Variants in TMEM59 observed in about 807,000 individuals in gnomAD.
The protein encoded by TMEM59 is transmembrane protein 59.
In TMEM59, 44 loss-of-function variants were observed where a neutral mutation model predicts 42.2. The observed-to-expected ratio is 1.04, with a 90% CI of 0.82 to 1.34. The LOEUF is 1.34. Ranked by LOEUF, TMEM59 falls within the 40% of genes most tolerant of loss-of-function variation. The probability of loss-of-function intolerance (pLI) is 0.00; values close to 1 mark genes in which losing one functional copy is unlikely to be tolerated. For missense variants in TMEM59, 359 were observed against 382.8 expected, an observed-to-expected ratio of 0.94 and a Z score of 0.52; for synonymous variants, 148 against 145.8, an observed-to-expected ratio of 1.02 and a Z score of -0.11.
chr1:54,045,786 G>A lies in TMEM59; in HGVS notation c.296C>T (p.Ala99Val), dbSNP rs1397241187. Residue 99 changes from alanine to valine, a missense_variant and splice_region_variant, in exon 3 of 8, where the codon GCA becomes GTA. Ala to Val is a moderately conservative substitution (Grantham distance 64). Coordinates refer to ENST00000234831, the MANE Select transcript of TMEM59 (RefSeq NM_004872.5). ...AGATTGGGAATATGCTTCTGTACAT[G>A]CTGTAAGAGAAAAATAGTCAAATTA... is the stretch of plus-strand genomic sequence containing the variant. ...LNRTKLECES[A>V]CTEAYSQSDE... 1.2e-6 allele frequency: 2 copies of A among 1,603,702 alleles called. No individual in the cohort carries two copies. Among genetic ancestry groups the A allele is most frequent in the East Asian group, 2.2e-5 (1 of 44,660 alleles).
rs754359058 is a variant in TMEM59 at position 54,052,990 on chromosome 1, C to G, written c.189+10G>C. Reference sequence around the variant, plus strand: ...GGGAAGGGTCGCAGCCCGCTCCGGACGGGCCCTACCTTAGGGTAGGTGTGC... The same window carrying G: ...GGGAAGGGTCGCAGCCCGCTCCGGAGGGGCCCTACCTTAGGGTAGGTGTGC... On this transcript the variant is annotated intron_variant, in intron 1 of 7. Coordinates refer to ENST00000234831, the MANE Select transcript of TMEM59 (RefSeq NM_004872.5). The G allele has an allele frequency of 5.6e-6, 9 of 1,603,484 alleles. No homozygotes were observed. In the African/African-American group the frequency reaches 9.4e-5, roughly 17 times the overall value.
At chr1:54,032,455 T>C (rs1483442867) in intron 7 of TMEM59, 150 bp from the exon 8 acceptor site, 11 of 817,236 alleles carry the variant, frequency 1.3e-5, no homozygotes, top group Admixed American at 3.4e-5. Context: ...CTCAAAGTGT[T>C]GTAGATATGT....
intron 6 of TMEM59, 98 bp downstream of exon 6, chr1:54,040,658 C>T: frequency 1.1e-6 from 1 of 918,300 alleles, no homozygotes; most frequent in East Asian, 2.6e-5. Context: ...AAAAGGTTTA[C>T]TTTTGAGGTG....
rs371113429 is a variant in TMEM59 at position 54,041,815 on chromosome 1, T to G, written c.544-10A>C. On this transcript the variant is annotated splice_polypyrimidine_tract_variant and intron_variant, in intron 4 of 7. Transcript: ENST00000234831. ...GGATTTCTGGCTTAGACTAAAATAA[T>G]AATGAAAGCAATTAAGTCATTTGTA... The G allele has an allele frequency of 3.0e-5, 48 of 1,607,764 alleles. No homozygotes were observed. The highest frequency in any genetic ancestry group is 4.1e-5 in the Non-Finnish European group (48 of 1,176,342).
chr1:54,047,416 T>C (rs1467898469), intron 1 of TMEM59, 44 bp from the exon 2 acceptor site: 2 of 1,529,298 alleles, frequency 1.3e-6, no homozygotes, highest in Non-Finnish European at 1.8e-6. Flanking sequence ...AAATAGTATT[T>C]TTTTTTCCTC....
rs11539455 is a variant in TMEM59, at chr1:54,032,114, G to C, written c.*36C>G. 4 of 1,558,724 alleles carry C rather than the reference G, an allele frequency of 2.6e-6. No homozygotes were observed. The highest frequency in any genetic ancestry group is 4.5e-5 in the East Asian group (2 of 44,252). ...AAGCTCTATGAGGAGTGGAATTTTAGATGTCTATTACACTTGTCTTTTAAA... is the reference window on the plus strand; with the variant it reads ...AAGCTCTATGAGGAGTGGAATTTTACATGTCTATTACACTTGTCTTTTAAA... On this transcript the variant is annotated 3_prime_UTR_variant, in exon 8 of 8. Transcript: ENST00000234831.
chr1:54,047,497 G>A, intron 1 of TMEM59, 125 bp from the exon 2 acceptor site: 11 of 739,668 alleles, frequency 1.5e-5, no homozygotes, highest in Middle Eastern at 2.4e-4. Context: ...TTTCATAACT[G>A]AAAGAAAAAA....
Position 54,030,685 on chromosome 1 carries a change from A to G in TMEM59, c.*1465T>C, listed in dbSNP as rs745620033. The G allele has an allele frequency of 6.6e-6, 1 of 152,194 alleles. No homozygotes were observed. Among genetic ancestry groups the G allele is most frequent in the African/African-American group, 2.4e-5 (1 of 41,456 alleles). 9.4% of individuals were successfully genotyped at this position (152,194 alleles called of 1,614,324 possible). ...ACGGCTAATTCCTCCTTTCTTCCCC[A>G]TCTGGATGTGTTCACAACTTTCTAT... is the stretch of plus-strand genomic sequence containing the variant. On this transcript the variant is annotated 3_prime_UTR_variant, in exon 8 of 8. Coordinates refer to ENST00000234831, the MANE Select transcript of TMEM59 (RefSeq NM_004872.5).
At chr1:54,039,764 C>A (rs3766466) in intron 6 of TMEM59, among the ~76,000 whole-genome samples, 19,648 of 151,672 alleles carry the variant, frequency 0.13, 2,948 homozygotes, top group African/African-American at 0.37. Flanking sequence ...TATCTGACAC[C>A]GAGTAGGTGA....
chr1:54,052,899 G>C, intron 1 of TMEM59, 101 bp downstream of exon 1: 1 of 1,327,856 alleles, frequency 7.5e-7, no homozygotes, highest in Non-Finnish European at 1.0e-6. Flanking sequence ...AGCGATTGAA[G>C]GGCCGATTTA....
At chr1:54,047,525 A>G in intron 1 of TMEM59, 153 bp from the exon 2 acceptor site, 1 of 637,432 alleles carries the variant, frequency 1.6e-6, no homozygotes, top group East Asian at 2.9e-5. Context: ...GAGCCAGTTG[A>G]TACTCAAGAC....
chr1:54,039,423 T>A (rs12097888), intron 6 of TMEM59, among the ~76,000 whole-genome samples: 19,697 of 152,164 alleles, frequency 0.13, 2,949 homozygotes, highest in African/African-American at 0.37. Flanking sequence ...AACTGCAACA[T>A]ACATCCTAAA....
At chr1:54,048,674 G>T in intron 1 of TMEM59, 1 of 455,776 alleles carries the variant, frequency 2.2e-6, no homozygotes, top group Non-Finnish European at 4.6e-6. Flanking sequence ...TGTACAAACT[G>T]GCAGACACCT....
In TMEM59 at chr1:54,037,798, A is replaced by AT. The variant is rs559845328; in HGVS notation, c.708-1081dup. 2.0e-3 allele frequency among the ~76,000 whole-genome samples: 308 copies of AT among 152,356 alleles called. 1 individual carries two copies. Among genetic ancestry groups the AT allele is most frequent in the African/African-American group, 7.2e-3 (300 of 41,586 alleles). ...TTCTTTAAGTATCCAATTTAGAAAG[A>AT]TAATAGAGTAAAATATGTTTTTAAT... is the stretch of plus-strand genomic sequence containing the variant. On this transcript the variant is annotated intron_variant, in intron 6 of 7. Coordinates refer to ENST00000234831, the MANE Select transcript of TMEM59 (RefSeq NM_004872.5).
rs749847118 is a variant in TMEM59 at position 54,045,211 on chromosome 1, T to C, written c.390+481A>G. ...ATGTAATTGGGAGCTACTGATTATA[T>C]AAGACAGGAGAATGGCATGATGAAA... On this transcript the variant is annotated intron_variant, in intron 3 of 7. Transcript: ENST00000234831. Among the ~76,000 whole-genome samples, 5 of 152,234 alleles carry C rather than the reference T, an allele frequency of 3.3e-5. No individual in the cohort carries two copies. The South Asian group carries it at 6.2e-4, about 19-fold the overall frequency.
chr1:54,048,436 T>C (rs1416737064), intron 1 of TMEM59, among the ~76,000 whole-genome samples: 3 of 152,248 alleles, frequency 2.0e-5, no homozygotes, highest in Non-Finnish European at 4.4e-5. Flanking sequence ...AGGTGCTTAA[T>C]AAATGGTAAT....
Position 54,031,532 on chromosome 1 carries a change from T to C in TMEM59, c.*618A>G, listed in dbSNP as rs1395613912. ...TAACATCAAATGTACTGCTGAGAGA[T>C]CAGTTTTGCATCAAAATGGTCCCTG... On this transcript the variant is annotated 3_prime_UTR_variant, in exon 8 of 8. Transcript: ENST00000234831. 2 of 152,608 alleles carry C rather than the reference T, an allele frequency of 1.3e-5. No individual in the cohort carries two copies. Among genetic ancestry groups the C allele is most frequent in the African/African-American group, 4.8e-5 (2 of 41,456 alleles). The allele number at this position is 152,608 out of a possible 1,614,324, so 9.5% of individuals were successfully genotyped here.
At chr1:54,037,115 A>T (rs1018207116) in intron 6 of TMEM59, among the ~76,000 whole-genome samples, 3 of 152,230 alleles carry the variant, frequency 2.0e-5, no homozygotes, top group African/African-American at 4.8e-5. Context: ...CAAAAAGTTA[A>T]GGTATAGAAT....
intron 6 of TMEM59, among the ~76,000 whole-genome samples, chr1:54,040,083 G>A (rs41331348): frequency 0.026 from 3,898 of 152,144 alleles, 113 homozygotes; most frequent in Middle Eastern, 0.078. Flanking sequence ...CTCTTCTAGC[G>A]TCAAATCTGG....
Sources: gnomAD v4.1 joint callset for allele counts (sites outside exome capture counted in the v4.1 genomes callset) on GRCh38, gnomAD v4.1.1 for gene constraint, MANE v1.5 for transcripts, NCBI Gene and HGNC (gene_info 2026-07-23, HGNC 2026-07-21) for gene names.